CELSR1: variants seen among roughly 807,000 people sequenced by gnomAD.
CELSR1 encodes adhesion G protein-coupled receptor C1.
Under a neutral mutation model 249.1 loss-of-function variants are expected in CELSR1, and 110 were observed. That is an observed-to-expected ratio of 0.44 (90% CI 0.38 to 0.52). The LOEUF (loss-of-function observed/expected upper bound fraction) is 0.52. Ranked by LOEUF, CELSR1 falls within the 20% of genes least tolerant of loss-of-function variation. The probability of loss-of-function intolerance (pLI) is 0.00; values close to 1 mark genes in which losing one functional copy is unlikely to be tolerated. For synonymous variants in CELSR1, 2,113 were observed against 1,900.0 expected, an observed-to-expected ratio of 1.11 and a Z score of -2.92; for missense variants, 4,109 against 4,296.4, an observed-to-expected ratio of 0.96 and a Z score of 1.22.
chr22:46,373,589 T>G (rs974123912), intron 24 of CELSR1, among the ~76,000 whole-genome samples: 3 of 142,046 alleles, frequency 2.1e-5, no homozygotes, highest in African/African-American at 8.2e-5. Flanking sequence ...TGCCGCCAGC[T>G]GGGAGAGGAT....
chr22:46,492,967 C>T (rs190516952), intron 1 of CELSR1, among the ~76,000 whole-genome samples: 4 of 152,226 alleles, frequency 2.6e-5, no homozygotes, highest in Admixed American at 2.6e-4. Context: ...AGAGAACAGA[C>T]TAAACAAAGC....
chr22:46,365,091 C>A (rs1005793154), intron 32 of CELSR1, 140 bp downstream of exon 32: 2 of 1,232,176 alleles, frequency 1.6e-6, no homozygotes, highest in African/African-American at 3.1e-5. Flanking sequence ...AACCAGAGTC[C>A]CCCCACCCCA....
rs566434309 is a variant in CELSR1 at position 46,434,436 on chromosome 22, G to C, written c.4523-955C>G. ...TCTCCAGGGAACCAGCAGGAGTTCT[G>C]GAAACGGGTGTGGGAGACACTGGCC... On this transcript the variant is annotated intron_variant, in intron 4 of 34. Coordinates refer to ENST00000674500, the MANE Select transcript of CELSR1 (RefSeq NM_001378328.1). The surrounding 1 kb of genome is among the most constrained non-coding windows in gnomAD (Gnocchi z 4.9). Among the ~76,000 whole-genome samples the C allele has an allele frequency of 1.3e-3, 202 of 152,336 alleles. 1 individual carries two copies. The highest frequency in any genetic ancestry group is 4.4e-3 in the African/African-American group (182 of 41,566).
rs766358912 is a variant in CELSR1 at position 46,535,670 on chromosome 22, C to T, written c.1501G>A (p.Gly501Arg). ...AGGTAGAACTGGCCGGCCACGTTCC[C>T]GCTGAGGATGCTGTAGTGAATGGCC... is the stretch of plus-strand genomic sequence containing the variant. ...NAAIHYSILS[G>R]NVAGQFYLHS... The change falls in exon 1 of 35, where the codon GGG (glycine) becomes AGG (arginine). Residue 501 changes from glycine (G) to arginine (R), a missense_variant. By Grantham distance (125) the Gly-to-Arg change is moderately radical. Around this residue, in one of 7 missense-constraint regions of CELSR1, gnomAD observed 135 missense variants for 190.0 expected, o/e 0.71. Transcript: ENST00000674500. 1 of 1,613,204 alleles carries T rather than the reference C, an allele frequency of 6.2e-7. No individual in the cohort carries two copies. The highest frequency in any genetic ancestry group is 8.5e-7 in the Non-Finnish European group (1 of 1,180,034).
Position 46,363,902 on chromosome 22 carries a change from G to A in CELSR1, c.9035+94C>T. On this transcript the variant is annotated intron_variant, in intron 34 of 34. Transcript: ENST00000674500. This position sits in a 1 kb window ranked among gnomAD's most constrained non-coding sequence, Gnocchi z 4.3. ...CTGCACTCAGGGCTCCAGGTGAGGT[G>A]GGTGTCAGGTCCCTGACCACTGCCC... 1 of 1,414,034 alleles carries A rather than the reference G, an allele frequency of 7.1e-7. No homozygotes were observed. Among genetic ancestry groups the A allele is most frequent in the Non-Finnish European group, 9.3e-7 (1 of 1,075,258 alleles). 87.6% of individuals were successfully genotyped at this position (1,414,034 alleles called of 1,614,324 possible). A position where few individuals can be genotyped will look rare whatever the true frequency, so the allele number is the denominator to read the frequency against.
chr22:46,455,650 G>T (rs920989059), intron 2 of CELSR1, among the ~76,000 whole-genome samples: 2 of 152,186 alleles, frequency 1.3e-5, no homozygotes, highest in Non-Finnish European at 1.5e-5. Flanking sequence ...GTGCCGATCG[G>T]TTACAGCAGC....
intron 14 of CELSR1, among the ~76,000 whole-genome samples, chr22:46,392,559 GTTT>G (rs375433380): frequency 6.7e-6 from 1 of 149,416 alleles, no homozygotes; most frequent in Non-Finnish European, 1.5e-5. Context: ...GTATAACTTT[GTTT>G]TTTTATTTTT....
chr22:46,509,140 G>T (rs1003233826), intron 1 of CELSR1, among the ~76,000 whole-genome samples: 5 of 152,198 alleles, frequency 3.3e-5, no homozygotes, highest in Admixed American at 1.3e-4. Flanking sequence ...GGGGCTGGGG[G>T]GCTGCGAGGA....
Position 46,409,730 on chromosome 22 carries a change from G to T in CELSR1, c.5059+25C>A. On this transcript the variant is annotated intron_variant, in intron 8 of 34. Transcript: ENST00000674500. This position sits in a 1 kb window ranked among gnomAD's most constrained non-coding sequence, Gnocchi z 9.8. ...TGCCTCCCAGGCCGCCGTGACCGGG[G>T]GGATGGACGACGCCGGCCACTCACC... The T allele has an allele frequency of 6.2e-7, 1 of 1,610,846 alleles. No individual in the cohort carries two copies. Among genetic ancestry groups the T allele is most frequent in the Non-Finnish European group, 8.5e-7 (1 of 1,179,902 alleles).
At chr22:46,367,615 C>T (rs1011810401) in intron 28 of CELSR1, 114 bp downstream of exon 28, 7 of 1,432,788 alleles carry the variant, frequency 4.9e-6, no homozygotes, top group Admixed American at 4.3e-5. Context: ...GGCCCCCACG[C>T]GGGACCCAGG....
chr22:46,383,451 C>G (rs767906297), intron 20 of CELSR1, among the ~76,000 whole-genome samples: 14 of 152,226 alleles, frequency 9.2e-5, no homozygotes, highest in Non-Finnish European at 1.9e-4. Flanking sequence ...CATACACAGA[C>G]AGCATTCTGG....
intron 1 of CELSR1, among the ~76,000 whole-genome samples, chr22:46,505,241 G>A (rs1430751801): frequency 3.2e-4 from 34 of 107,236 alleles, no homozygotes; most frequent in Admixed American, 1.5e-4. Context: ...CAGCCTGGGC[G>A]ACAGAGCAAG....
Position 46,362,852 on chromosome 22 carries a change from C to T in CELSR1, c.*371G>A. On this transcript the variant is annotated 3_prime_UTR_variant, in exon 35 of 35. Transcript: ENST00000674500. ...GCTGGACCGCGGTCTTTGGTCTGTG[C>T]CCGGCGTTCCTGAACTCTGGCCAGC... is the stretch of plus-strand genomic sequence containing the variant. 1 of 391,772 alleles carries T rather than the reference C, an allele frequency of 2.6e-6. No individual in the cohort carries two copies. The highest frequency in any genetic ancestry group is 4.6e-6 in the Non-Finnish European group (1 of 215,516). The allele number at this position is 391,772 out of a possible 1,614,324, so 24.3% of individuals were successfully genotyped here. A position where few individuals can be genotyped will look rare whatever the true frequency, so the allele number is the denominator to read the frequency against.
At chr22:46,386,714 C>T in intron 18 of CELSR1, 129 bp from the exon 19 acceptor site, 2 of 700,246 alleles carry the variant, frequency 2.9e-6, no homozygotes, top group East Asian at 6.5e-5. Flanking sequence ...ACACTTTAGA[C>T]TGTGCTCTTT....
At chr22:46,483,778 G>T (rs1303385019) in intron 1 of CELSR1, among the ~76,000 whole-genome samples, 3 of 152,116 alleles carry the variant, frequency 2.0e-5, no homozygotes, top group African/African-American at 7.2e-5. Flanking sequence ...GATGCAGGTC[G>T]CCATCTTCCT....
At chr22:46,369,565 A>T (rs2147176533) in intron 26 of CELSR1, 127 bp downstream of exon 26, 3 of 796,368 alleles carry the variant, frequency 3.8e-6, no homozygotes, top group East Asian at 5.4e-5. Context: ...GCTGACTGTT[A>T]CAAGGTGGCC....
chr22:46,451,408 T>C (rs2079882945), intron 2 of CELSR1, among the ~76,000 whole-genome samples: 1 of 152,144 alleles, frequency 6.6e-6, no homozygotes, highest in African/African-American at 2.4e-5. Context: ...TTTAAAAAAA[T>C]AAGAAATGCA....
At chr22:46,368,644 T>C (rs2078815043) in intron 27 of CELSR1, among the ~76,000 whole-genome samples, 1 of 152,146 alleles carries the variant, frequency 6.6e-6, no homozygotes, top group Non-Finnish European at 1.5e-5. Flanking sequence ...CTCCTGACCC[T>C]GTCGTGGCTC....
chr22:46,509,723 G>T (rs923000696), intron 1 of CELSR1, among the ~76,000 whole-genome samples: 2 of 152,132 alleles, frequency 1.3e-5, no homozygotes, highest in Non-Finnish European at 2.9e-5. Flanking sequence ...GGGTCTGTGG[G>T]GCTCCTGAGG....
Sources: allele counts gnomAD v4.1 joint callset (sites outside exome capture counted in the v4.1 genomes callset), GRCh38; gene constraint gnomAD v4.1.1; regional missense constraint gnomAD v4.1.1; non-coding constraint Gnocchi (gnomAD v3.1); transcripts MANE v1.5; gene names NCBI Gene and HGNC (gene_info 2026-07-23, HGNC 2026-07-21).